The following MACROD2 variants were observed in gnomAD, a reference collection of about 807,000 sequenced individuals.
The protein encoded by MACROD2 is ADP-ribose glycohydrolase MACROD2.
A neutral mutation model predicts 70.4 loss-of-function variants in MACROD2; 36 were observed. The observed-to-expected ratio is 0.51, with a 90% CI of 0.39 to 0.68. MACROD2 has a LOEUF of 0.68. Among genes scored for constraint, MACROD2 ranks in the 30% least tolerant of loss-of-function variants. MACROD2 has a pLI of 0.00. For missense variants in MACROD2, 496 were observed against 538.4 expected (o/e 0.92, Z 0.78); for synonymous variants, 172 against 178.8 (o/e 0.96, Z 0.30).
chr20:14,277,487 A>G (rs1219842882), intron 3 of MACROD2, among the ~76,000 whole-genome samples: 1 of 152,192 alleles, frequency 6.6e-6, no homozygotes, highest in Non-Finnish European at 1.5e-5. Flanking sequence ...AATGGTTTCC[A>G]AAAAGCTAGT....
At position 14,876,893 on chromosome 20, in the gene MACROD2, A is replaced by T. The variant is rs2073557221; in HGVS notation, c.418+191934A>T. Among the ~76,000 whole-genome samples, 3 of 152,104 alleles carry T rather than the reference A, an allele frequency of 2.0e-5. No homozygotes were observed. The South Asian group carries it at 6.2e-4, about 32-fold the overall frequency. On this transcript the variant is annotated intron_variant, in intron 5 of 17. Transcript: ENST00000684519. ...TTACAATATACTTAAAAGTCAGGTA[A>T]TGTGATGCCTCTGACTTTGTTCTTT...
intron 3 of MACROD2, among the ~76,000 whole-genome samples, chr20:14,485,346 T>C (rs1279705522): frequency 6.6e-6 from 1 of 152,238 alleles, no homozygotes; most frequent in African/African-American, 2.4e-5. Context: ...GAGAAATTTA[T>C]GTTGCGTGGC....
At position 15,708,126 on chromosome 20, in the gene MACROD2, T is replaced by C. The variant is rs1013436582; in HGVS notation, c.646-154619T>C. Among the ~76,000 whole-genome samples, 12 of 152,256 alleles carry C rather than the reference T, an allele frequency of 7.9e-5. No homozygotes were observed. The East Asian group carries it at 1.9e-3, about 25-fold the overall frequency. ...TGGAGATTTGAAATCGTTATTTTAC[T>C]CAGGCATTTATTAATTAATATATTA... is the stretch of plus-strand genomic sequence containing the variant. On this transcript the variant is annotated intron_variant, in intron 8 of 17. Transcript: ENST00000684519.
At chr20:15,104,243 TC>T (rs770047295) in intron 5 of MACROD2, among the ~76,000 whole-genome samples, 1 of 152,040 alleles carries the variant, frequency 6.6e-6, no homozygotes, top group Non-Finnish European at 1.5e-5. Flanking sequence ...AGTAGACTCT[TC>T]CAGAAAGAAA....
At chr20:16,028,762 T>C (rs2067114605) in intron 15 of MACROD2, among the ~76,000 whole-genome samples, 2 of 152,206 alleles carry the variant, frequency 1.3e-5, no homozygotes, top group Non-Finnish European at 2.9e-5. Flanking sequence ...TGTGTGTGTC[T>C]ACAGTGTTTG....
chr20:15,158,182 G>A (rs1005017537), intron 5 of MACROD2, among the ~76,000 whole-genome samples: 1 of 152,074 alleles, frequency 6.6e-6, no homozygotes, highest in Non-Finnish European at 1.5e-5. Context: ...GGCTTCAAAT[G>A]GATATGTTTT....
intron 4 of MACROD2, among the ~76,000 whole-genome samples, chr20:14,588,074 A>AT (rs1392887846): frequency 6.6e-6 from 1 of 152,074 alleles, no homozygotes; most frequent in Non-Finnish European, 1.5e-5. Flanking sequence ...AATTAAGAAG[A>AT]TTTTTATCTA....
intron 15 of MACROD2, among the ~76,000 whole-genome samples, chr20:16,009,794 G>A (rs952446344): frequency 7.2e-5 from 11 of 152,112 alleles, no homozygotes; most frequent in African/African-American, 2.7e-4. Context: ...TATGGAGCAG[G>A]AGACAGAAAC....
intron 7 of MACROD2, among the ~76,000 whole-genome samples, chr20:15,477,252 C>T (rs987457244): frequency 1.3e-4 from 20 of 152,010 alleles, no homozygotes; most frequent in African/African-American, 4.8e-4. Flanking sequence ...AGGCACGCAC[C>T]ACCATAGCAG....
chr20:15,348,397 G>A (rs2078189940), intron 6 of MACROD2, among the ~76,000 whole-genome samples: 1 of 152,138 alleles, frequency 6.6e-6, no homozygotes, highest in Admixed American at 6.5e-5. Flanking sequence ...GAAATTTGAG[G>A]TTTGATCTTT....
chr20:14,888,094 AC>A (rs2073704008), intron 5 of MACROD2: 1 of 152,056 alleles, frequency 6.6e-6, no homozygotes, highest in African/African-American at 2.4e-5. Context: ...TGGTCTCATT[AC>A]CCATAAGCCC....
intron 8 of MACROD2, among the ~76,000 whole-genome samples, chr20:15,815,069 A>C: frequency 6.6e-6 from 1 of 152,230 alleles, no homozygotes; most frequent in East Asian, 1.9e-4. Context: ...GGAATAATTT[A>C]TCATAGAGGC....
At chr20:14,764,113 C>T (rs1426816570) in intron 5 of MACROD2, among the ~76,000 whole-genome samples, 1 of 152,014 alleles carries the variant, frequency 6.6e-6, no homozygotes, top group Admixed American at 6.6e-5. Context: ...GACTCCCTTG[C>T]CATTTCTTAT....
intron 8 of MACROD2, among the ~76,000 whole-genome samples, chr20:15,526,718 T>A (rs988034502): frequency 5.9e-5 from 9 of 152,208 alleles, no homozygotes; most frequent in African/African-American, 9.6e-5. Flanking sequence ...TAAAACCATA[T>A]TGGGCGTGTG....
intron 8 of MACROD2, among the ~76,000 whole-genome samples, chr20:15,739,458 G>A (rs1038457696): frequency 1.3e-5 from 2 of 152,150 alleles, no homozygotes; most frequent in Non-Finnish European, 2.9e-5. Flanking sequence ...AGGCATAGAA[G>A]AGACACATGA....
At chr20:15,359,630 T>C (rs1242954395) in intron 6 of MACROD2, among the ~76,000 whole-genome samples, 1 of 151,992 alleles carries the variant, frequency 6.6e-6, no homozygotes, top group Admixed American at 6.6e-5. Context: ...ACTATATAAA[T>C]CATATATATG....
chr20:14,820,603 A>G (rs1275578561), intron 5 of MACROD2, among the ~76,000 whole-genome samples: 1 of 152,058 alleles, frequency 6.6e-6, no homozygotes, highest in Non-Finnish European at 1.5e-5. Context: ...TCTAAGTAAT[A>G]TGAATCCAGG....
chr20:15,212,921 G>C (rs1025399140), intron 5 of MACROD2, among the ~76,000 whole-genome samples: 2 of 152,182 alleles, frequency 1.3e-5, no homozygotes, highest in Non-Finnish European at 2.9e-5. Context: ...GAAATACTGA[G>C]AGTGTGACCT....
intron 4 of MACROD2, among the ~76,000 whole-genome samples, chr20:14,527,979 T>C (rs2085254101): frequency 6.6e-6 from 1 of 152,162 alleles, no homozygotes; most frequent in Admixed American, 6.5e-5. Context: ...TTGAGAGAAA[T>C]GGGACTAGGC....
Sources: gnomAD v4.1 joint callset for allele counts (sites outside exome capture counted in the v4.1 genomes callset) on GRCh38, gnomAD v4.1.1 for gene constraint, MANE v1.5 for transcripts, NCBI Gene and HGNC (gene_info 2026-07-23, HGNC 2026-07-21) for gene names.